Variants in HEATR4 observed in about 807,000 individuals in gnomAD.
HEATR4 encodes the protein HEAT repeat-containing protein 4.
HEATR4 carries 95 observed loss-of-function variants against 108.8 expected under a neutral mutation model. The ratio of observed to expected loss-of-function variants is 0.87; its 90% CI spans 0.74 to 1.04. HEATR4 has a LOEUF of 1.04. Ranked by LOEUF, HEATR4 falls within the 50% of genes least tolerant of loss-of-function variation. HEATR4 has a pLI of 0.00. For synonymous variants in HEATR4, 443 were observed against 459.4 expected, an observed-to-expected ratio of 0.96 and a Z score of 0.46; for missense variants, 1,152 against 1,253.8, an observed-to-expected ratio of 0.92 and a Z score of 1.23.
the HEATR4 span, chr14:73,569,583 C>T: frequency 6.2e-7 from 1 of 1,600,478 alleles, no homozygotes; most frequent in South Asian, 1.1e-5. Flanking sequence ...CGCGCGCTAC[C>T]GCGCCGACAC....
chr14:73,599,454 G>A, the HEATR4 span, among the ~76,000 whole-genome samples: 1 of 152,128 alleles, frequency 6.6e-6, no homozygotes, highest in South Asian at 2.1e-4. Flanking sequence ...ACTGTTCGAA[G>A]TGACACGGGC....
At chr14:73,573,551 C>G in the HEATR4 span, 1 of 1,613,656 alleles carries the variant, frequency 6.2e-7, no homozygotes, top group Non-Finnish European at 8.5e-7. Context: ...ATCTGGAGTA[C>G]TTTGAAGAAG....
At chr14:73,632,804 A>G in the HEATR4 span, among the ~76,000 whole-genome samples, 1 of 145,098 alleles carries the variant, frequency 6.9e-6, no homozygotes, top group Admixed American at 7.2e-5. Flanking sequence ...AGATCACGCC[A>G]TTGCACTCCA....
chr14:73,623,385 G>T, the HEATR4 span, among the ~76,000 whole-genome samples: 1 of 151,914 alleles, frequency 6.6e-6, no homozygotes, highest in Non-Finnish European at 1.5e-5. Flanking sequence ...CAAATCCCAT[G>T]TTGAAACTTG....
chr14:73,508,267 G>C lies in HEATR4; in HGVS notation c.1748C>G (p.Ala583Gly). ...AGTACCTTCCAGAGCCAAGCACTGAGCTGCAGCCCAGCTATCCACACTGTT... is the reference window on the plus strand; with the variant it reads ...AGTACCTTCCAGAGCCAAGCACTGACCTGCAGCCCAGCTATCCACACTGTT... Reference protein sequence around the residue: ...KGNSVDSWAAAQCLALEGTAT... With the variant: ...KGNSVDSWAAGQCLALEGTAT... The change falls in exon 9 of 18, where the codon GCT (alanine) becomes GGT (glycine). Residue 583 changes from alanine to glycine, a missense_variant. Ala to Gly is a moderately conservative substitution (Grantham distance 60). Transcript: ENST00000553558. The C allele has an allele frequency of 6.2e-7, 1 of 1,613,958 alleles. No homozygotes were observed. Among genetic ancestry groups the C allele is most frequent in the Non-Finnish European group, 8.5e-7 (1 of 1,179,994 alleles).
At chr14:73,598,405 AGAG>A in the HEATR4 span, among the ~76,000 whole-genome samples, 3 of 150,160 alleles carry the variant, frequency 2.0e-5, no homozygotes, top group Non-Finnish European at 4.4e-5. Flanking sequence ...AAAAAAAAAA[AGAG>A]AGAGATGGGA....
At position 73,492,521 on chromosome 14, in the gene HEATR4, G is replaced by A; in HGVS notation, c.2844+545C>T. On this transcript the variant is annotated intron_variant, in intron 17 of 17. Transcript: ENST00000553558. The surrounding 1 kb of genome is among the most constrained non-coding windows in gnomAD (Gnocchi z 4.9). ...TGTTGATGCTGTGGCCGACCAGCGAGCCAAAGACTTCATTCACGATTCTCT... is the reference window on the plus strand; with the variant it reads ...TGTTGATGCTGTGGCCGACCAGCGAACCAAAGACTTCATTCACGATTCTCT... The A allele has an allele frequency of 6.2e-7, 1 of 1,613,676 alleles. No homozygotes were observed. The highest frequency in any genetic ancestry group is 8.5e-7 in the Non-Finnish European group (1 of 1,179,764).
chr14:73,530,579 C>T (rs1290856115), intron 1 of HEATR4: 1 of 122,100 alleles, frequency 8.2e-6, no homozygotes, highest in Non-Finnish European at 1.8e-5. Context: ...AGCTATACAG[C>T]TGTCTCCAGA....
At chr14:73,622,675 AGCC>A in the HEATR4 span, among the ~76,000 whole-genome samples, 1 of 152,160 alleles carries the variant, frequency 6.6e-6, no homozygotes, top group East Asian at 1.9e-4. Context: ...CTGGGATTAC[AGCC>A]ATGAGCCACC....
chr14:73,611,545 A>C, the HEATR4 span: 3 of 152,104 alleles, frequency 2.0e-5, no homozygotes, highest in Admixed American at 6.6e-5. Context: ...TACTGCCAGA[A>C]CTCTGTATGC....
At chr14:73,542,653 G>A (rs1190129270) in intron 1 of HEATR4, among the ~76,000 whole-genome samples, 1 of 110,308 alleles carries the variant, frequency 9.1e-6, no homozygotes, top group African/African-American at 3.1e-5. Context: ...TGATCCACCC[G>A]CCTCAGCCTC....
intron 17 of HEATR4, chr14:73,490,898 A>G: frequency 8.9e-7 from 1 of 1,121,590 alleles, no homozygotes; most frequent in Non-Finnish European, 1.1e-6. Context: ...GGGCGTGGCC[A>G]ACCCCGAGGT....
chr14:73,597,037 C>G, the HEATR4 span, among the ~76,000 whole-genome samples: 1 of 151,920 alleles, frequency 6.6e-6, no homozygotes, highest in African/African-American at 2.4e-5. Context: ...AAAAACTACG[C>G]TTATCACAGT....
At chr14:73,593,845 G>C in the HEATR4 span, 1 of 1,613,816 alleles carries the variant, frequency 6.2e-7, no homozygotes, top group Non-Finnish European at 8.5e-7. Context: ...CAATAACATG[G>C]ACAACATATC....
At chr14:73,624,909 C>T in the HEATR4 span, among the ~76,000 whole-genome samples, 2 of 152,022 alleles carry the variant, frequency 1.3e-5, no homozygotes, top group African/African-American at 4.8e-5. Flanking sequence ...TTGGGCTTTG[C>T]TTTATTAAAT....
At chr14:73,617,873 G>A in the HEATR4 span, among the ~76,000 whole-genome samples, 3 of 150,364 alleles carry the variant, frequency 2.0e-5, no homozygotes, top group East Asian at 2.0e-4. Context: ...GGCCAGGTGC[G>A]GTGGCTCACG....
the HEATR4 span, among the ~76,000 whole-genome samples, chr14:73,568,736 C>A: frequency 2.0e-5 from 3 of 151,896 alleles, no homozygotes; most frequent in African/African-American, 7.2e-5. Flanking sequence ...TACCTATTAC[C>A]CCATTTGGCT....
rs1889018955 is a variant in HEATR4 at position 73,539,909 on chromosome 14, G to A, written c.-151-9665C>T. The A allele has an allele frequency of 1.7e-5, 2 of 116,010 alleles. 1 individual carries two copies. The highest frequency in any genetic ancestry group is 5.5e-4 in the South Asian group (2 of 3,668). 7.2% of individuals were successfully genotyped at this position (116,010 alleles called of 1,614,324 possible). A position where few individuals can be genotyped will look rare whatever the true frequency, so the allele number is the denominator to read the frequency against. ...AGTATGTTAAGGTTTATGTAAATTA[G>A]CATTTACAATAGGAAAGCCTCTTCC... On this transcript the variant is annotated intron_variant, in intron 1 of 17. Coordinates refer to ENST00000553558, the MANE Select transcript of HEATR4 (RefSeq NM_001220484.1).
the HEATR4 span, chr14:73,573,433 G>A: frequency 6.2e-7 from 1 of 1,613,730 alleles, no homozygotes; most frequent in South Asian, 1.1e-5. Context: ...GGAACTGGAG[G>A]TGGCCTGCTG....
Sources: allele counts gnomAD v4.1 joint callset (sites outside exome capture counted in the v4.1 genomes callset), GRCh38; gene constraint gnomAD v4.1.1; non-coding constraint Gnocchi (gnomAD v3.1); transcripts MANE v1.5; gene names NCBI Gene and HGNC (gene_info 2026-07-23, HGNC 2026-07-21).